DAPK1: variants seen among roughly 807,000 people sequenced by gnomAD.
The protein encoded by DAPK1 is death associated protein kinase 1.
A neutral mutation model predicts 144.9 loss-of-function variants in DAPK1; 56 were observed. That is an observed-to-expected ratio of 0.39 (90% CI 0.31 to 0.48). DAPK1 has a LOEUF of 0.48. DAPK1 is among the 20% of genes least tolerant of loss of function. DAPK1 has a pLI of 0.95. For missense variants in DAPK1, 1,454 were observed against 1,875.4 expected, an observed-to-expected ratio of 0.78 and a Z score of 4.15; for synonymous variants, 690 against 749.0, an observed-to-expected ratio of 0.92 and a Z score of 1.29.
intron 2 of DAPK1, among the ~76,000 whole-genome samples, chr9:87,535,234 C>G (rs1183309772): frequency 1.3e-5 from 2 of 151,958 alleles, no homozygotes; most frequent in Non-Finnish European, 2.9e-5. Flanking sequence ...CATTAGCCCC[C>G]CTTTCGTTCT....
chr9:87,590,369 C>CA (rs200588801), intron 2 of DAPK1, among the ~76,000 whole-genome samples: 9,878 of 85,518 alleles, frequency 0.12, 475 homozygotes, highest in East Asian at 0.34. Context: ...TCATTGGCCT[C>CA]AAAAAAAAAA....
chr9:87,632,379 T>G (rs923671780), intron 3 of DAPK1: 1 of 982,988 alleles, frequency 1.0e-6, no homozygotes, highest in Non-Finnish European at 1.2e-6. Context: ...TGAGTGCATA[T>G]GTAGAAATGA....
chr9:87,693,750 T>C (rs530614558), intron 21 of DAPK1, among the ~76,000 whole-genome samples: 53 of 152,240 alleles, frequency 3.5e-4, no homozygotes, highest in African/African-American at 1.2e-3. Flanking sequence ...GTGTCTATGG[T>C]GTTGGTTGAG....
chr9:87,655,804 T>TAAA (rs1487483544), intron 17 of DAPK1, among the ~76,000 whole-genome samples: 1 of 152,168 alleles, frequency 6.6e-6, no homozygotes, highest in African/African-American at 2.4e-5. Flanking sequence ...TGTCCCTCTT[T>TAAA]AAGTCGGTGC....
intron 2 of DAPK1, among the ~76,000 whole-genome samples, chr9:87,539,714 A>G (rs10780854): frequency 0.89 from 134,944 of 152,096 alleles, 59,974 homozygotes; most frequent in East Asian, 0.94. Flanking sequence ...CACTGGGCCC[A>G]GCCAAATTTC....
chr9:87,609,319 T>C (rs1019522100), intron 3 of DAPK1, among the ~76,000 whole-genome samples: 2 of 152,230 alleles, frequency 1.3e-5, no homozygotes, highest in African/African-American at 4.8e-5. Context: ...TTCCTATATA[T>C]GCATATGATG....
chr9:87,665,509 T>C (rs1425911813), intron 18 of DAPK1, among the ~76,000 whole-genome samples: 1 of 152,216 alleles, frequency 6.6e-6, no homozygotes, highest in Non-Finnish European at 1.5e-5. Flanking sequence ...ATCTTTTCAC[T>C]GGGGATACAC....
chr9:87,595,577 G>A (rs1210813381), intron 2 of DAPK1, among the ~76,000 whole-genome samples: 1 of 152,178 alleles, frequency 6.6e-6, no homozygotes, highest in African/African-American at 2.4e-5. Context: ...AGCATATTTG[G>A]TTTCCTTGTC....
chr9:87,537,363 G>C (rs1825895160), intron 2 of DAPK1, among the ~76,000 whole-genome samples: 2 of 152,144 alleles, frequency 1.3e-5, no homozygotes, highest in Non-Finnish European at 2.9e-5. Context: ...TACGCAGTCA[G>C]CCAGCTCTGC....
chr9:87,542,139 C>T (rs1826078602), intron 2 of DAPK1, among the ~76,000 whole-genome samples: 1 of 152,150 alleles, frequency 6.6e-6, no homozygotes, highest in African/African-American at 2.4e-5. Flanking sequence ...TCATCTGTAC[C>T]TTTAGGACTT....
intron 3 of DAPK1, among the ~76,000 whole-genome samples, chr9:87,606,268 C>T (rs1365406155): frequency 6.6e-6 from 1 of 152,194 alleles, no homozygotes; most frequent in Non-Finnish European, 1.5e-5. Context: ...GCGGTCCCCA[C>T]AGCATCTTGT....
rs1830265205 is a variant in DAPK1 at position 87,646,359 on chromosome 9, CT to C, written c.1132-101del. 2.7e-5 allele frequency: 23 copies of C among 858,450 alleles called. No individual in the cohort carries two copies. The South Asian group carries it at 3.2e-4, about 12-fold the overall frequency. 53.2% of individuals were successfully genotyped at this position (858,450 alleles called of 1,614,324 possible). ...CTGCCACGCAGTGGTAGCTCTATGT[CT>C]GTTGAGACAGGGGAAGGTGTGTGGT... On this transcript the variant is annotated intron_variant, in intron 12 of 25. Coordinates refer to ENST00000408954, the MANE Select transcript of DAPK1 (RefSeq NM_004938.4).
chr9:87,632,716 G>T (rs1238464739), intron 3 of DAPK1: 1 of 979,560 alleles, frequency 1.0e-6, no homozygotes, highest in Non-Finnish European at 1.2e-6. Context: ...GAGTATACAT[G>T]TAGAGATGAA....
chr9:87,515,261 C>A (rs917663419), intron 2 of DAPK1, among the ~76,000 whole-genome samples: 3 of 152,142 alleles, frequency 2.0e-5, no homozygotes, highest in Non-Finnish European at 4.4e-5. Context: ...CAAAAGCAGC[C>A]ACAGACATTA....
At chr9:87,539,464 C>A (rs1414112937) in intron 2 of DAPK1, among the ~76,000 whole-genome samples, 1 of 138,674 alleles carries the variant, frequency 7.2e-6, no homozygotes, top group Non-Finnish European at 1.5e-5. Context: ...GAGTCTCGCT[C>A]TGTCACCCAG....
chr9:87,675,086 C>T (rs1035842938), intron 19 of DAPK1, among the ~76,000 whole-genome samples: 6 of 152,120 alleles, frequency 3.9e-5, no homozygotes, highest in African/African-American at 1.4e-4. Context: ...TGGCCTACAA[C>T]CCACTGCCTG....
chr9:87,694,712 C>T (rs894065144), intron 21 of DAPK1, among the ~76,000 whole-genome samples: 3 of 152,192 alleles, frequency 2.0e-5, no homozygotes, highest in African/African-American at 7.2e-5. Context: ...TATGCCTAGA[C>T]CTTGGTGGCA....
At chr9:87,637,812 A>C (rs1829954022) in intron 3 of DAPK1, 131 bp from the exon 4 acceptor site, 1 of 1,000,604 alleles carries the variant, frequency 1.0e-6, no homozygotes, top group Non-Finnish European at 1.4e-6. Context: ...TTCTGAATCC[A>C]TGCTTGGCGG....
In DAPK1 at chr9:87,544,549, C is replaced by T. The variant is rs529268069; in HGVS notation, c.62+45410C>T. On this transcript the variant is annotated intron_variant, in intron 2 of 25. Coordinates refer to ENST00000408954, the MANE Select transcript of DAPK1 (RefSeq NM_004938.4). ...AAATATGCATATAAGTATACACATA[C>T]ACCAGAAAATTTTTCTAATGTTCCT... Among the ~76,000 whole-genome samples, 3 of 152,314 alleles carry T rather than the reference C, an allele frequency of 2.0e-5. No individual in the cohort carries two copies. The East Asian group carries it at 5.8e-4, about 29-fold the overall frequency.
Sources: gnomAD v4.1 joint callset for allele counts (sites outside exome capture counted in the v4.1 genomes callset) on GRCh38, gnomAD v4.1.1 for gene constraint, MANE v1.5 for transcripts, NCBI Gene and HGNC (gene_info 2026-07-23, HGNC 2026-07-21) for gene names.